Variants in PINX1 observed in about 807,000 individuals in gnomAD.
PINX1 encodes PIN2/TERF1-interacting telomerase inhibitor 1.
A neutral mutation model predicts 25.4 loss-of-function variants in PINX1; 34 were observed. The ratio of observed to expected loss-of-function variants is 1.34; its 90% CI spans 1.02 to 1.78. The LOEUF (loss-of-function observed/expected upper bound fraction) is 1.78. Among genes scored for constraint, PINX1 ranks in the 40% most tolerant of loss-of-function variants. The pLI is 0.00. For synonymous variants in PINX1, 197 were observed against 147.7 expected, an observed-to-expected ratio of 1.33 and a Z score of -2.42; for missense variants, 592 against 404.9, an observed-to-expected ratio of 1.46 and a Z score of -3.97.
At chr8:10,791,766 C>T (rs534140189) in intron 6 of PINX1, among the ~76,000 whole-genome samples, 2 of 152,152 alleles carry the variant, frequency 1.3e-5, no homozygotes, top group Admixed American at 6.5e-5. Context: ...CTGGAAGAGA[C>T]GCCAGGGTGG....
At chr8:10,770,486 C>T (rs1013132964) in intron 6 of PINX1, among the ~76,000 whole-genome samples, 3 of 152,186 alleles carry the variant, frequency 2.0e-5, no homozygotes, top group Non-Finnish European at 2.9e-5. Context: ...CGGATGTCTA[C>T]AGAATTAAAG....
intron 6 of PINX1, among the ~76,000 whole-genome samples, chr8:10,775,714 T>C (rs1329640147): frequency 2.0e-5 from 3 of 152,216 alleles, no homozygotes; most frequent in African/African-American, 7.2e-5. Context: ...GGCAATGACC[T>C]GGCTGTCAGA....
chr8:10,818,984 C>T (rs1391949168), intron 6 of PINX1, among the ~76,000 whole-genome samples: 3 of 152,310 alleles, frequency 2.0e-5, no homozygotes, highest in African/African-American at 7.2e-5. Flanking sequence ...GCCTGTCTGA[C>T]CATGGCTCTT....
At chr8:10,830,894 C>A (rs796682723) in intron 4 of PINX1, among the ~76,000 whole-genome samples, 1 of 152,140 alleles carries the variant, frequency 6.6e-6, no homozygotes, top group East Asian at 1.9e-4. Context: ...TACGGCAGCT[C>A]CTCAAAAAGT....
At chr8:10,792,578 A>C (rs1332319650) in intron 6 of PINX1, among the ~76,000 whole-genome samples, 1 of 152,090 alleles carries the variant, frequency 6.6e-6, no homozygotes, top group African/African-American at 2.4e-5. Context: ...AGATGAAGTA[A>C]AGCAGTTTAC....
intron 6 of PINX1, among the ~76,000 whole-genome samples, chr8:10,804,570 C>G (rs922240678): frequency 2.6e-5 from 4 of 152,050 alleles, no homozygotes; most frequent in Non-Finnish European, 5.9e-5. Context: ...TGAGAATAAG[C>G]TCTCAAAACG....
intron 4 of PINX1, 61 bp downstream of exon 4, chr8:10,831,603 CA>C (rs1798228434): frequency 1.9e-6 from 2 of 1,065,070 alleles, no homozygotes; most frequent in African/African-American, 1.6e-5. Flanking sequence ...ATAATAAAAG[CA>C]AAAAACAAAA....
In PINX1 at chr8:10,804,691, A is replaced by T. The variant is rs192142676; in HGVS notation, c.471+15502T>A. Reference sequence around the variant, plus strand: ...ATGGTTTCATCGGAAGGAATGAAAAAGCAAGATGAATGCTGGAGGATTAAA... The same window carrying T: ...ATGGTTTCATCGGAAGGAATGAAAATGCAAGATGAATGCTGGAGGATTAAA... On this transcript the variant is annotated intron_variant, in intron 6 of 6. Coordinates refer to ENST00000314787, the MANE Select transcript of PINX1 (RefSeq NM_017884.6). Among the ~76,000 whole-genome samples the T allele has an allele frequency of 5.1e-4, 77 of 152,276 alleles. 1 individual carries two copies. Among genetic ancestry groups the T allele is most frequent in the African/African-American group, 1.8e-3 (75 of 41,550 alleles).
At chr8:10,776,091 T>C (rs923622371) in intron 6 of PINX1, among the ~76,000 whole-genome samples, 6 of 152,138 alleles carry the variant, frequency 3.9e-5, no homozygotes, top group African/African-American at 9.7e-5. Flanking sequence ...GATAAGTCCA[T>C]AGCACTCAGT....
chr8:10,833,017 T>G (rs1429119303), intron 2 of PINX1, 33 bp from the exon 3 acceptor site: 1 of 1,348,250 alleles, frequency 7.4e-7, no homozygotes, highest in East Asian at 2.3e-5. Context: ...GTTAGAACAT[T>G]CCTCTCACTG....
At chr8:10,836,847 C>A (rs1226850913) in intron 1 of PINX1, among the ~76,000 whole-genome samples, 1 of 152,204 alleles carries the variant, frequency 6.6e-6, no homozygotes, top group Non-Finnish European at 1.5e-5. Context: ...TTCACTTGAC[C>A]AGAACCCTGC....
At chr8:10,784,881 TA>T (rs948343481) in intron 6 of PINX1, among the ~76,000 whole-genome samples, 4 of 152,208 alleles carry the variant, frequency 2.6e-5, no homozygotes, top group African/African-American at 9.6e-5. Flanking sequence ...AATCAAAGAC[TA>T]AAGCATTTCA....
At chr8:10,818,726 C>T (rs1324686861) in intron 6 of PINX1, among the ~76,000 whole-genome samples, 1 of 152,004 alleles carries the variant, frequency 6.6e-6, no homozygotes, top group African/African-American at 2.4e-5. Flanking sequence ...GGAGTTGATA[C>T]AAAGGCTCAG....
intron 6 of PINX1, among the ~76,000 whole-genome samples, chr8:10,808,410 C>A (rs184774270): frequency 6.6e-6 from 1 of 152,164 alleles, no homozygotes; most frequent in Non-Finnish European, 1.5e-5. Flanking sequence ...AGCTGTTTGG[C>A]GGAGCTTAAT....
chr8:10,815,108 T>C lies in PINX1; in HGVS notation c.471+5085A>G, dbSNP rs115652469. ...GGTGGATGCCACTGAGCCTGGCTAA[T>C]TTTTTAAATTTTTGGTAGAGACGAT... On this transcript the variant is annotated intron_variant, in intron 6 of 6. Coordinates refer to ENST00000314787, the MANE Select transcript of PINX1 (RefSeq NM_017884.6). Among the ~76,000 whole-genome samples, 1,263 of 152,220 alleles carry C rather than the reference T, an allele frequency of 8.3e-3. 17 individuals carry two copies. Among genetic ancestry groups the C allele is most frequent in the African/African-American group, 0.029 (1,190 of 41,522 alleles).
At chr8:10,775,247 G>T (rs536536600) in intron 6 of PINX1, among the ~76,000 whole-genome samples, 4 of 152,076 alleles carry the variant, frequency 2.6e-5, no homozygotes, top group African/African-American at 7.2e-5. Context: ...CTGTCTCCCT[G>T]CATGTTCAGA....
intron 6 of PINX1, among the ~76,000 whole-genome samples, chr8:10,780,559 C>G (rs892140088): frequency 6.6e-6 from 1 of 151,180 alleles, no homozygotes; most frequent in Non-Finnish European, 1.5e-5. Context: ...AAATCCCAAA[C>G]AAATGAAAAC....
chr8:10,773,235 T>C (rs182726929), intron 6 of PINX1, among the ~76,000 whole-genome samples: 270 of 152,284 alleles, frequency 1.8e-3, no homozygotes, highest in African/African-American at 5.8e-3. Context: ...TACACACATG[T>C]ACATATATAC....
chr8:10,779,206 C>G (rs1392164526), intron 6 of PINX1, among the ~76,000 whole-genome samples: 1 of 152,188 alleles, frequency 6.6e-6, no homozygotes. Flanking sequence ...CAGAGTCTGA[C>G]AGTGAGATGA....
Sources: allele counts gnomAD v4.1 joint callset (sites outside exome capture counted in the v4.1 genomes callset), GRCh38; gene constraint gnomAD v4.1.1; transcripts MANE v1.5; gene names NCBI Gene and HGNC (gene_info 2026-07-23, HGNC 2026-07-21).